The following CTNNA2 variants were observed in gnomAD, a reference collection of about 807,000 sequenced individuals.
The protein encoded by CTNNA2 is catenin alpha 2.
In CTNNA2, 42 loss-of-function variants were observed where a neutral mutation model predicts 101.0. The observed-to-expected ratio is 0.42, with a 90% CI of 0.32 to 0.54. The LOEUF is 0.54. Among genes scored for constraint, CTNNA2 ranks in the 20% least tolerant of loss-of-function variants. The pLI, the probability that CTNNA2 is intolerant of heterozygous loss-of-function variation, is 0.14. For missense variants in CTNNA2, 871 were observed against 1,223.1 expected, an observed-to-expected ratio of 0.71 and a Z score of 4.29; for synonymous variants, 450 against 456.4, an observed-to-expected ratio of 0.99 and a Z score of 0.18.
chr2:79,714,204 G>A (rs1239034832), intron 2 of CTNNA2, among the ~76,000 whole-genome samples: 5 of 151,970 alleles, frequency 3.3e-5, no homozygotes, highest in African/African-American at 7.2e-5. Flanking sequence ...GCAACTGTCC[G>A]GGCAGTTCTA....
At chr2:80,054,887 T>A (rs1697118709) in intron 7 of CTNNA2, among the ~76,000 whole-genome samples, 1 of 152,064 alleles carries the variant, frequency 6.6e-6, no homozygotes, top group Non-Finnish European at 1.5e-5. Flanking sequence ...AATATCTTAG[T>A]TTTTAGTTTC....
At chr2:79,847,974 G>T (rs762986611) in intron 3 of CTNNA2, among the ~76,000 whole-genome samples, 1 of 152,050 alleles carries the variant, frequency 6.6e-6, no homozygotes, top group Non-Finnish European at 1.5e-5. Context: ...ACTGTAGCAG[G>T]GTACTGACAT....
chr2:79,595,150 G>A (rs1047941210), intron 1 of CTNNA2, among the ~76,000 whole-genome samples: 4 of 151,974 alleles, frequency 2.6e-5, no homozygotes, highest in Non-Finnish European at 4.4e-5. Context: ...AAGCACTTGT[G>A]GTCAACCATT....
chr2:80,614,579 G>A (rs755097612), intron 17 of CTNNA2, among the ~76,000 whole-genome samples: 14 of 151,258 alleles, frequency 9.3e-5, no homozygotes, highest in Non-Finnish European at 1.9e-4. Context: ...ACCTATTTAA[G>A]AAGTATTATT....
At chr2:79,620,411 G>A (rs1225901597) in intron 1 of CTNNA2, among the ~76,000 whole-genome samples, 1 of 152,166 alleles carries the variant, frequency 6.6e-6, no homozygotes, top group African/African-American at 2.4e-5. Context: ...TTTCAGGATA[G>A]TGAAATGTCA....
chr2:80,213,840 TG>T (rs1206615584), intron 7 of CTNNA2, among the ~76,000 whole-genome samples: 1 of 152,216 alleles, frequency 6.6e-6, no homozygotes, highest in African/African-American at 2.4e-5. Context: ...TATTATTATG[TG>T]GGAGTCTAAG....
chr2:79,977,224 A>G (rs13034787), intron 7 of CTNNA2, among the ~76,000 whole-genome samples: 1,322 of 111,784 alleles, frequency 0.012, 23 homozygotes, highest in African/African-American at 0.037. Context: ...ATATGCATGC[A>G]CACACACACA....
intron 4 of CTNNA2, among the ~76,000 whole-genome samples, chr2:79,866,024 T>A (rs1349902091): frequency 6.6e-6 from 1 of 152,216 alleles, no homozygotes; most frequent in Non-Finnish European, 1.5e-5. Flanking sequence ...CAGCCTGCTT[T>A]TTTATGTTGA....
chr2:79,751,911 G>A (rs1310801229), intron 3 of CTNNA2, among the ~76,000 whole-genome samples: 1 of 152,030 alleles, frequency 6.6e-6, no homozygotes, highest in East Asian at 1.9e-4. Context: ...GTGGTAATGG[G>A]AACAGAAAGA....
chr2:79,428,701 TGAC>T (rs1462202118), intron 4 of CTNNA2, among the ~76,000 whole-genome samples: 1 of 151,984 alleles, frequency 6.6e-6, no homozygotes, highest in East Asian at 1.9e-4. Context: ...CCCCAAGAAA[TGAC>T]AGCCATGAGG....
At chr2:80,006,381 A>G (rs1404682776) in intron 7 of CTNNA2, among the ~76,000 whole-genome samples, 23 of 152,044 alleles carry the variant, frequency 1.5e-4, no homozygotes, top group Non-Finnish European at 4.4e-5. Context: ...AAAAGAAAAA[A>G]CAAAAACTGA....
intron 9 of CTNNA2, among the ~76,000 whole-genome samples, chr2:80,506,174 A>ATGACTAC (rs1240597591): frequency 6.6e-6 from 1 of 152,206 alleles, no homozygotes; most frequent in African/African-American, 2.4e-5. Context: ...AGTGGGCTGC[A>ATGACTAC]TGACTACTTG....
At position 80,303,375 on chromosome 2, in the gene CTNNA2, G is replaced by A; in HGVS notation, c.1057-89836G>A. On this transcript the variant is annotated intron_variant, in intron 7 of 18. Coordinates refer to ENST00000402739, the MANE Select transcript of CTNNA2 (RefSeq NM_001282597.3). The surrounding 1 kb of genome is among the most constrained non-coding windows in gnomAD (Gnocchi z 7.7). ...AAGAGGTCGGGCGCGAGCGCCTGCA[G>A]CTTGTTGTACGAGAGGTCCACGCTG... The A allele has an allele frequency of 6.2e-7, 1 of 1,614,168 alleles. No homozygotes were observed. Among genetic ancestry groups the A allele is most frequent in the Non-Finnish European group, 8.5e-7 (1 of 1,180,036 alleles).
intron 4 of CTNNA2, among the ~76,000 whole-genome samples, chr2:79,483,052 G>A (rs534927860): frequency 3.9e-5 from 6 of 152,338 alleles, no homozygotes; most frequent in Non-Finnish European, 1.5e-5. Flanking sequence ...AATCTTAGCA[G>A]CTTGTAAGAC....
intron 4 of CTNNA2, among the ~76,000 whole-genome samples, chr2:79,425,675 T>A (rs1297652751): frequency 6.6e-6 from 1 of 152,142 alleles, no homozygotes; most frequent in African/African-American, 2.4e-5. Flanking sequence ...TCACAACACC[T>A]GAGTTTTGGA....
chr2:80,216,017 T>G (rs1456562712), intron 7 of CTNNA2, among the ~76,000 whole-genome samples: 2 of 152,196 alleles, frequency 1.3e-5, no homozygotes, highest in African/African-American at 2.4e-5. Context: ...CAGACTGCTG[T>G]GCTAGCAGTG....
intron 7 of CTNNA2, among the ~76,000 whole-genome samples, chr2:80,066,057 A>G (rs896289783): frequency 6.6e-6 from 1 of 152,232 alleles, no homozygotes; most frequent in African/African-American, 2.4e-5. Flanking sequence ...TGTGGTAGCC[A>G]GTGTTCAGGA....
chr2:79,851,795 G>GCAGTA, intron 3 of CTNNA2, among the ~76,000 whole-genome samples: 1 of 134,308 alleles, frequency 7.4e-6, no homozygotes, highest in East Asian at 2.2e-4. Flanking sequence ...AGACTGCAGT[G>GCAGTA]CAATGGTATG....
At chr2:80,365,018 G>A (rs1057316544) in intron 7 of CTNNA2, among the ~76,000 whole-genome samples, 1 of 152,146 alleles carries the variant, frequency 6.6e-6, no homozygotes, top group Non-Finnish European at 1.5e-5. Flanking sequence ...CCAGTCATCT[G>A]TGGGGTTTGG....
Sources: allele counts gnomAD v4.1 joint callset (sites outside exome capture counted in the v4.1 genomes callset), GRCh38; gene constraint gnomAD v4.1.1; non-coding constraint Gnocchi (gnomAD v3.1); transcripts MANE v1.5; gene names NCBI Gene and HGNC (gene_info 2026-07-23, HGNC 2026-07-21).